Variants in FER1L5 observed in about 807,000 individuals in gnomAD.
The protein encoded by FER1L5 is fer-1 like family member 5.
FER1L5 carries 187 observed loss-of-function variants against 279.9 expected under a neutral mutation model. That is an observed-to-expected ratio of 0.67 (90% CI 0.59 to 0.75). The LOEUF is 0.75. Ranked by LOEUF, FER1L5 falls within the 30% of genes least tolerant of loss-of-function variation. The pLI is 0.00. For missense variants in FER1L5, 2,091 were observed against 2,594.4 expected (o/e 0.81, Z 4.21); for synonymous variants, 921 against 989.7 (o/e 0.93, Z 1.30).
rs1573969164 is a variant in FER1L5, at chr2:96,699,149, A to G, written c.4610+13A>G. 11 of 1,596,940 alleles carry G rather than the reference A, an allele frequency of 6.9e-6. No homozygotes were observed. Among genetic ancestry groups the G allele is most frequent in the Non-Finnish European group, 9.4e-6 (11 of 1,171,678 alleles). On this transcript the variant is annotated intron_variant, in intron 42 of 52. Transcript: ENST00000624922. The stretch of plus-strand genomic sequence containing the variant: ...CCATCTTTGGCATGTGAGCTGCCCC[A>G]ACCCCCAAGACCCCTTCTCCACTCC...
At chr2:96,678,671 A>C (rs2076601635) in intron 19 of FER1L5, among the ~76,000 whole-genome samples, 3 of 151,992 alleles carry the variant, frequency 2.0e-5, no homozygotes, top group Admixed American at 2.0e-4. Flanking sequence ...GGGCTCAAGC[A>C]ATCCACCCAC....
rs1170644271 is a variant in FER1L5, at chr2:96,697,646, C to T, written c.4135-14C>T. The T allele has an allele frequency of 6.2e-7, 1 of 1,613,896 alleles. No individual in the cohort carries two copies. Among genetic ancestry groups the T allele is most frequent in the Non-Finnish European group, 8.5e-7 (1 of 1,179,894 alleles). On this transcript the variant is annotated splice_polypyrimidine_tract_variant and intron_variant, in intron 38 of 52. Coordinates refer to ENST00000624922, the MANE Select transcript of FER1L5 (RefSeq NM_001293083.2). ...GCCCCTGCCCGAGGCCAGAATGATCCTCTTCTCTGCCAGGATGAGTATGAG... is the reference window on the plus strand; with the variant it reads ...GCCCCTGCCCGAGGCCAGAATGATCTTCTTCTCTGCCAGGATGAGTATGAG...
At chr2:96,656,674 C>T (rs1291090016) in intron 9 of FER1L5, among the ~76,000 whole-genome samples, 1 of 151,962 alleles carries the variant, frequency 6.6e-6, no homozygotes, top group Non-Finnish European at 1.5e-5. Flanking sequence ...AAACCAGGTC[C>T]ACTCATTGCA....
At chr2:96,657,109 C>G (rs866812614) in intron 9 of FER1L5, among the ~76,000 whole-genome samples, 25 of 151,026 alleles carry the variant, frequency 1.7e-4, no homozygotes, top group Middle Eastern at 3.4e-3. Flanking sequence ...GAGTCTTGCT[C>G]TGTCACCCAG....
chr2:96,693,027 T>G (rs1163976570), intron 31 of FER1L5, among the ~76,000 whole-genome samples: 1 of 151,898 alleles, frequency 6.6e-6, no homozygotes, highest in Non-Finnish European at 1.5e-5. Context: ...AATACAAAAA[T>G]TAGCCGGGCG....
In FER1L5 at chr2:96,649,646, C is replaced by G. The variant is rs1465234162; in HGVS notation, c.363C>G (p.Ala121=). The G allele has an allele frequency of 3.2e-6, 5 of 1,551,396 alleles. No homozygotes were observed. Among genetic ancestry groups the G allele is most frequent in the Non-Finnish European group, 4.4e-6 (5 of 1,146,968 alleles). ...AGTGTACTGTCACCCTACAGGTGGC[C>G]CACATGAGCAACCAGGATATTGAGA... is the stretch of plus-strand genomic sequence containing the variant. ...PTDCTVTLQV[A]HMSNQDIEKT... Residue 121 remains alanine (A), a synonymous_variant, in exon 5 of 53, where the codon GCC becomes GCG. Transcript: ENST00000624922.
chr2:96,681,975 G>A (rs182828110), intron 19 of FER1L5, among the ~76,000 whole-genome samples: 411 of 151,860 alleles, frequency 2.7e-3, no homozygotes, highest in African/African-American at 9.3e-3. Flanking sequence ...TAATAGAGAC[G>A]GGGTTTCACC....
rs1430689871 is a variant in FER1L5, at chr2:96,699,543, C to G, written c.4611-7C>G. ...ATCCTCTGCAGTCTCCAACACCTCA[C>G]CCCTAGGATGTTTGAACTCACCTGC... is the stretch of plus-strand genomic sequence containing the variant. On this transcript the variant is annotated splice_polypyrimidine_tract_variant and splice_region_variant and intron_variant, in intron 42 of 52. Transcript: ENST00000624922. 1 of 1,612,378 alleles carries G rather than the reference C, an allele frequency of 6.2e-7. No individual in the cohort carries two copies. Among genetic ancestry groups the G allele is most frequent in the Non-Finnish European group, 8.5e-7 (1 of 1,179,006 alleles).
intron 4 of FER1L5, among the ~76,000 whole-genome samples, chr2:96,648,170 G>A (rs907233802): frequency 2.6e-5 from 4 of 152,170 alleles, no homozygotes; most frequent in African/African-American, 4.8e-5. Flanking sequence ...AGTGACAGGC[G>A]CTCCAGCACC....
chr2:96,668,721 C>T (rs1311864372), intron 14 of FER1L5, 30 bp from the exon 15 acceptor site: 20 of 1,551,066 alleles, frequency 1.3e-5, no homozygotes, highest in Non-Finnish European at 1.7e-5. Context: ...CCAATGTGTA[C>T]CCACCGCACC....
chr2:96,650,158 A>C, intron 5 of FER1L5, 22 bp from the exon 6 acceptor site: 3 of 1,545,154 alleles, frequency 1.9e-6, no homozygotes, highest in South Asian at 1.2e-5. Flanking sequence ...CTCTGACCCC[A>C]CCCTGCACTG....
intron 14 of FER1L5, 72 bp downstream of exon 14, chr2:96,663,579 T>TG: frequency 1.3e-6 from 2 of 1,515,970 alleles, no homozygotes; most frequent in Non-Finnish European, 1.8e-6. Context: ...GATGATTGTG[T>TG]GGGGGTGAAG....
chr2:96,648,113 A>T (rs1214717947), intron 4 of FER1L5, among the ~76,000 whole-genome samples: 1 of 152,240 alleles, frequency 6.6e-6, no homozygotes, highest in Admixed American at 6.5e-5. Context: ...GCCCTGTGGT[A>T]CAAAATTGCC....
chr2:96,642,995 G>A, intron 1 of FER1L5, 74 bp downstream of exon 1: 1 of 1,299,794 alleles, frequency 7.7e-7, no homozygotes, highest in South Asian at 1.4e-5. Flanking sequence ...AAAAAGAGGT[G>A]TATGGCACCC....
intron 27 of FER1L5, among the ~76,000 whole-genome samples, chr2:96,690,813 C>T (rs894073245): frequency 7.2e-5 from 11 of 152,208 alleles, no homozygotes; most frequent in Non-Finnish European, 1.2e-4. Flanking sequence ...CAGAGCAAGG[C>T]GTGGCAGATG....
chr2:96,651,251 CTTTCTTTCTTTCTTTCTTT>C, intron 6 of FER1L5, among the ~76,000 whole-genome samples: 1 of 128,450 alleles, frequency 7.8e-6, no homozygotes, highest in Non-Finnish European at 1.7e-5. Context: ...TTCTTTCTTT[CTTTCTTTCTTTCTTTCTTT>C]CTTTCTTTCT....
chr2:96,659,294 C>CTTCCTTCCTTCCTTCA (rs2075738827), intron 9 of FER1L5, among the ~76,000 whole-genome samples: 2 of 22,136 alleles, frequency 9.0e-5, no homozygotes, highest in South Asian at 8.1e-3. Context: ...TCAAGCTTTC[C>CTTCCTTCCTTCCTTCA]TTCCTTCCTT....
intron 18 of FER1L5, among the ~76,000 whole-genome samples, chr2:96,672,307 A>G (rs2076357313): frequency 6.6e-6 from 1 of 151,842 alleles, no homozygotes; most frequent in South Asian, 2.1e-4. Context: ...TGATCTCTTG[A>G]CCTTGTGATC....
At chr2:96,646,508 C>T in intron 2 of FER1L5, 55 bp downstream of exon 2, 1 of 1,526,022 alleles carries the variant, frequency 6.6e-7, no homozygotes. Context: ...AGCAAGGGGG[C>T]AAGGGTGGGG....
Sources: gnomAD v4.1 joint callset for allele counts (sites outside exome capture counted in the v4.1 genomes callset) on GRCh38, gnomAD v4.1.1 for gene constraint, MANE v1.5 for transcripts, NCBI Gene and HGNC (gene_info 2026-07-23, HGNC 2026-07-21) for gene names.